Variants in CFHR3 observed in about 807,000 individuals in gnomAD.
CFHR3 encodes the protein complement factor H related 3.
CFHR3 carries 22 observed loss-of-function variants against 36.0 expected under a neutral mutation model. The observed-to-expected ratio is 0.61, with a 90% CI of 0.44 to 0.87. The LOEUF (loss-of-function observed/expected upper bound fraction) is 0.87, where lower values mean the gene tolerates loss of function less well. Among genes scored for constraint, CFHR3 ranks in the 40% least tolerant of loss-of-function variants. The pLI, the probability that CFHR3 is intolerant of heterozygous loss-of-function variation, is 0.00. For synonymous variants in CFHR3, 97 were observed against 137.4 expected (o/e 0.71, Z 2.06); for missense variants, 276 against 401.3 (o/e 0.69, Z 2.67).
At chr1:196,777,326 G>A (rs1205573057) in intron 1 of CFHR3, among the ~76,000 whole-genome samples, 6 of 136,966 alleles carry the variant, frequency 4.4e-5, no homozygotes, top group African/African-American at 1.5e-4. Flanking sequence ...TCATCTACTA[G>A]AGTTGCCATA....
rs1653666265 is a variant in CFHR3 at position 196,775,298 on chromosome 1, C to T, written c.58+354C>T. ...GTTCAGAATTTTCCTATACGTAATACAAGGGGAACATTGGGAGTGACTGAT... is the reference window on the plus strand; with the variant it reads ...GTTCAGAATTTTCCTATACGTAATATAAGGGGAACATTGGGAGTGACTGAT... On this transcript the variant is annotated intron_variant, in intron 1 of 5. Coordinates refer to ENST00000367425, the MANE Select transcript of CFHR3 (RefSeq NM_021023.6). Among the ~76,000 whole-genome samples the T allele has an allele frequency of 1.5e-5, 2 of 136,360 alleles. 1 individual carries two copies. The allele number at this position is 136,360 out of a possible 152,430, so 89.5% of individuals were successfully genotyped here. A position where few individuals can be genotyped will look rare whatever the true frequency, so the allele number is the denominator to read the frequency against.
intron 3 of CFHR3, among the ~76,000 whole-genome samples, chr1:196,783,220 G>T (rs1190573582): frequency 7.3e-6 from 1 of 136,628 alleles, no homozygotes; most frequent in Non-Finnish European, 1.5e-5. Context: ...TTTTATTGAG[G>T]ATTTTTGTAT....
In CFHR3 at chr1:196,794,807, T is replaced by C. The variant is rs1161152760; in HGVS notation, c.*1294T>C. On this transcript the variant is annotated 3_prime_UTR_variant, in exon 6 of 6. Coordinates refer to ENST00000367425, the MANE Select transcript of CFHR3 (RefSeq NM_021023.6). ...AAGTTGCAGGGTAAGAAGAAAACAA[T>C]GTTCCCTTTCCCAACACTTTTCCTG... 57 of 254,664 alleles carry C rather than the reference T, an allele frequency of 2.2e-4. 15 individuals are homozygous for C. The highest frequency in any genetic ancestry group is 1.7e-3 in the African/African-American group (56 of 33,640). 15.8% of individuals were successfully genotyped at this position (254,664 alleles called of 1,614,324 possible).
rs35141752 is a variant in CFHR3, at chr1:196,794,583, G to GT, written c.*1076dup. The GT allele has an allele frequency of 5.3e-6, 2 of 377,360 alleles. No individual in the cohort carries two copies. The highest frequency in any genetic ancestry group is 1.0e-5 in the Non-Finnish European group (2 of 195,148). The allele number at this position is 377,360 out of a possible 1,614,324, so 23.4% of individuals were successfully genotyped here. On this transcript the variant is annotated 3_prime_UTR_variant, in exon 6 of 6. Coordinates refer to ENST00000367425, the MANE Select transcript of CFHR3 (RefSeq NM_021023.6). ...TATTTTGAAAGTTTCTTCATATATGGTTTTTTGCATTTCTTATTAAGTTTT... is the reference window on the plus strand; with the variant it reads ...TATTTTGAAAGTTTCTTCATATATGGTTTTTTTGCATTTCTTATTAAGTTTT...
intron 2 of CFHR3, among the ~76,000 whole-genome samples, 159 bp downstream of exon 2, chr1:196,779,515 A>G (rs1159337564): frequency 7.3e-6 from 1 of 136,960 alleles, no homozygotes. Flanking sequence ...TATTATGAGG[A>G]GTTCTTGAAA....
chr1:196,778,873 T>C (rs1219529491), intron 1 of CFHR3, among the ~76,000 whole-genome samples: 1 of 137,230 alleles, frequency 7.3e-6, no homozygotes, highest in Non-Finnish European at 1.5e-5. Flanking sequence ...GAGACCATAC[T>C]ACATTAGTAG....
chr1:196,779,361 G>C lies in CFHR3; in HGVS notation c.253+5G>C. On this transcript the variant is annotated splice_donor_5th_base_variant and intron_variant, in intron 2 of 5. Coordinates refer to ENST00000367425, the MANE Select transcript of CFHR3 (RefSeq NM_021023.6). ...CACCAGCAGTACCATGTCTCAGTAA[G>C]TAATCCTCTGAACTGCTACACATGT... is the stretch of plus-strand genomic sequence containing the variant. 6.8e-7 allele frequency: 1 copy of C among 1,477,126 alleles called. No homozygotes were observed. The highest frequency in any genetic ancestry group is 9.2e-7 in the Non-Finnish European group (1 of 1,083,382). The allele number at this position is 1,477,126 out of a possible 1,614,324, so 91.5% of individuals were successfully genotyped here. A position where few individuals can be genotyped will look rare whatever the true frequency, so the allele number is the denominator to read the frequency against.
In CFHR3 at chr1:196,788,969, C is replaced by T. The variant is rs201336311; in HGVS notation, c.613+571C>T. The T allele has an allele frequency of 2.2e-6, 3 of 1,337,610 alleles. 1 individual carries two copies. The Admixed American group carries it at 8.7e-5, about 39-fold the overall frequency. 82.9% of individuals were successfully genotyped at this position (1,337,610 alleles called of 1,614,324 possible). On this transcript the variant is annotated intron_variant, in intron 4 of 5. Coordinates refer to ENST00000367425, the MANE Select transcript of CFHR3 (RefSeq NM_021023.6). ...GGTAAGTGGGTGGGCTGAATGTTTA[C>T]AAACCTCATACTTGCCAATGGATTC...
chr1:196,785,132 C>T (rs1345497766), intron 3 of CFHR3, among the ~76,000 whole-genome samples: 1 of 136,462 alleles, frequency 7.3e-6, no homozygotes. Context: ...AATATTGGCC[C>T]CCACTCTCTT....
chr1:196,780,796 T>G (rs1653916176), intron 3 of CFHR3, among the ~76,000 whole-genome samples: 1 of 134,608 alleles, frequency 7.4e-6, no homozygotes, highest in Non-Finnish European at 1.6e-5. Context: ...TTTGGTTCTT[T>G]TTTTATATTT....
At chr1:196,793,042 A>C (rs1193562940) in intron 5 of CFHR3, among the ~76,000 whole-genome samples, 2 of 135,304 alleles carry the variant, frequency 1.5e-5, no homozygotes, top group Admixed American at 7.1e-5. Context: ...TGGACACAAC[A>C]TATTTTAGGA....
intron 1 of CFHR3, among the ~76,000 whole-genome samples, chr1:196,777,689 T>A (rs1653778457): frequency 7.4e-6 from 1 of 136,020 alleles, no homozygotes; most frequent in Non-Finnish European, 1.6e-5. Context: ...TATCACTGAC[T>A]AAGAAAAGTA....
intron 4 of CFHR3, chr1:196,789,367 T>C: frequency 2.2e-6 from 2 of 900,586 alleles, no homozygotes; most frequent in Non-Finnish European, 2.6e-6. Flanking sequence ...GTTATATGAA[T>C]TCCTACATTT....
At chr1:196,786,644 T>C (rs866439194) in intron 3 of CFHR3, among the ~76,000 whole-genome samples, 1 of 137,070 alleles carries the variant, frequency 7.3e-6, no homozygotes, top group South Asian at 2.5e-4. Flanking sequence ...TGCCGTTTTT[T>C]AAGCCCGTGG....
rs535579414 is a variant in CFHR3 at position 196,786,307 on chromosome 1, C to A, written c.431-1909C>A. 1.3e-4 allele frequency among the ~76,000 whole-genome samples: 17 copies of A among 135,160 alleles called. 4 individuals are homozygous for A. The highest frequency in any genetic ancestry group is 4.4e-4 in the African/African-American group (14 of 31,796). The allele number at this position is 135,160 out of a possible 152,430, so 88.7% of individuals were successfully genotyped here. A position where few individuals can be genotyped will look rare whatever the true frequency, so the allele number is the denominator to read the frequency against. ...CCGTTCTCAGATCTCCAGCTGCGTG[C>A]TGGGAGAACCACTGCTCTCTTCAAA... On this transcript the variant is annotated intron_variant, in intron 3 of 5. Coordinates refer to ENST00000367425, the MANE Select transcript of CFHR3 (RefSeq NM_021023.6).
intron 4 of CFHR3, chr1:196,789,200 T>C: frequency 1.1e-6 from 1 of 909,580 alleles, no homozygotes; most frequent in Non-Finnish European, 1.3e-6. Flanking sequence ...CAAATCCACT[T>C]CATTTTCAAG....
At chr1:196,785,210 G>T (rs531356833) in intron 3 of CFHR3, among the ~76,000 whole-genome samples, 2 of 135,904 alleles carry the variant, frequency 1.5e-5, no homozygotes, top group Admixed American at 1.4e-4. Flanking sequence ...TGGGTAACCC[G>T]ACCTTTCTCT....
rs1331120979 is a variant in CFHR3, at chr1:196,784,967, C to T, written c.431-3249C>T. On this transcript the variant is annotated intron_variant, in intron 3 of 5. Transcript: ENST00000367425. ...CAGTTGTTCCTTTCCATGTTTAGTG[C>T]TTCCTTCAGGAGCTCTTTTAGGGCA... 5.9e-5 allele frequency among the ~76,000 whole-genome samples: 8 copies of T among 136,564 alleles called. 1 individual carries two copies. Among genetic ancestry groups the T allele is most frequent in the African/African-American group, 2.5e-4 (8 of 32,492 alleles). The allele number at this position is 136,564 out of a possible 152,430, so 89.6% of individuals were successfully genotyped here.
intron 1 of CFHR3, among the ~76,000 whole-genome samples, chr1:196,775,945 T>C (rs1183791026): frequency 7.5e-6 from 1 of 134,010 alleles, no homozygotes; most frequent in Non-Finnish European, 1.6e-5. Context: ...AGTTTTATAG[T>C]ATTATCTATC....
Sources: allele counts gnomAD v4.1 joint callset (sites outside exome capture counted in the v4.1 genomes callset), GRCh38; gene constraint gnomAD v4.1.1; transcripts MANE v1.5; gene names NCBI Gene and HGNC (gene_info 2026-07-23, HGNC 2026-07-21).